The following SRBD1 variants were observed in gnomAD, a reference collection of about 807,000 sequenced individuals.
SRBD1 encodes the protein S1 RNA-binding domain-containing protein 1.
A neutral mutation model predicts 115.3 loss-of-function variants in SRBD1; 88 were observed. The ratio of observed to expected loss-of-function variants is 0.76; its 90% CI spans 0.64 to 0.91. The LOEUF (loss-of-function observed/expected upper bound fraction) is 0.91, where lower values mean the gene tolerates loss of function less well. Among genes scored for constraint, SRBD1 ranks in the 40% least tolerant of loss-of-function variants. The pLI is 0.00. For synonymous variants in SRBD1, 509 were observed against 407.7 expected, an observed-to-expected ratio of 1.25 and a Z score of -2.99; for missense variants, 1,385 against 1,177.4, an observed-to-expected ratio of 1.18 and a Z score of -2.58.
intron 16 of SRBD1, among the ~76,000 whole-genome samples, chr2:45,470,329 G>A (rs1479145361): frequency 6.6e-6 from 1 of 152,058 alleles, no homozygotes; most frequent in African/African-American, 2.4e-5. Context: ...AATTTCCGCT[G>A]GGAAGATGAT....
At chr2:45,461,804 C>T (rs916277315) in intron 16 of SRBD1, among the ~76,000 whole-genome samples, 2 of 152,130 alleles carry the variant, frequency 1.3e-5, no homozygotes, top group African/African-American at 2.4e-5. Flanking sequence ...AGATAGTTAT[C>T]GTCATTCATT....
rs139061913 is a variant in SRBD1, at chr2:45,469,885, G to A, written c.2049+7108C>T. Reference sequence around the variant, plus strand: ...TACAGCCCATATCCTGGGCCTTAGAGTCAAGGGACAACATTGCAAAACCAT... The same window carrying A: ...TACAGCCCATATCCTGGGCCTTAGAATCAAGGGACAACATTGCAAAACCAT... On this transcript the variant is annotated intron_variant, in intron 16 of 20. Coordinates refer to ENST00000263736, the MANE Select transcript of SRBD1 (RefSeq NM_018079.5). Among the ~76,000 whole-genome samples, 84 of 152,328 alleles carry A rather than the reference G, an allele frequency of 5.5e-4. No individual in the cohort carries two copies. In the East Asian group the frequency reaches 0.013, roughly 23 times the overall value.
chr2:45,560,945 T>TA (rs35692321), intron 10 of SRBD1, among the ~76,000 whole-genome samples: 6,599 of 118,910 alleles, frequency 0.055, 246 homozygotes, highest in East Asian at 0.17. Flanking sequence ...ATCTCTTAAA[T>TA]AAAAAAAAAA....
rs146182075 is a variant in SRBD1 at position 45,610,302 on chromosome 2, G to A, written c.-1+917C>T. 3.9e-5 allele frequency among the ~76,000 whole-genome samples: 6 copies of A among 152,224 alleles called. No individual in the cohort carries two copies. The East Asian group carries it at 1.2e-3, about 29-fold the overall frequency. Reference sequence around the variant, plus strand: ...GGAAAAAAAAATTTAAATTCAAGAAGGCAAACAAAGGAGGACAATTTCTTA... The same window carrying A: ...GGAAAAAAAAATTTAAATTCAAGAAAGCAAACAAAGGAGGACAATTTCTTA... On this transcript the variant is annotated intron_variant, in intron 1 of 20. Coordinates refer to ENST00000263736, the MANE Select transcript of SRBD1 (RefSeq NM_018079.5).
At chr2:45,514,734 C>G (rs1466543722) in intron 14 of SRBD1, among the ~76,000 whole-genome samples, 1 of 152,080 alleles carries the variant, frequency 6.6e-6, no homozygotes, top group Non-Finnish European at 1.5e-5. Context: ...TAGGCTCAGT[C>G]AGGATTTCCA....
At position 45,478,435 on chromosome 2, in the gene SRBD1, T is replaced by C. The variant is rs77178530; in HGVS notation, c.1967-1360A>G. On this transcript the variant is annotated intron_variant, in intron 15 of 20. Coordinates refer to ENST00000263736, the MANE Select transcript of SRBD1 (RefSeq NM_018079.5). ...ACATCCTTTATTACTACATCTAATA[T>C]ATAGTGACAATAGCTCCTTGCAAAG... Among the ~76,000 whole-genome samples, 1,163 of 152,322 alleles carry C rather than the reference T, an allele frequency of 7.6e-3. 16 individuals carry two copies. Among genetic ancestry groups the C allele is most frequent in the African/African-American group, 0.027 (1,105 of 41,564 alleles).
At chr2:45,457,651 T>TA (rs1199585857) in intron 16 of SRBD1, among the ~76,000 whole-genome samples, 1 of 151,962 alleles carries the variant, frequency 6.6e-6, no homozygotes, top group Non-Finnish European at 1.5e-5. Flanking sequence ...CGGCGTATGT[T>TA]AAAAAAATAC....
chr2:45,486,619 G>A (rs1670128251), intron 15 of SRBD1, among the ~76,000 whole-genome samples: 1 of 151,992 alleles, frequency 6.6e-6, no homozygotes, highest in Non-Finnish European at 1.5e-5. Flanking sequence ...TGTAGTCCCA[G>A]CTACTTGGGA....
intron 10 of SRBD1, among the ~76,000 whole-genome samples, chr2:45,556,530 T>G (rs1672483838): frequency 7.5e-6 from 1 of 132,714 alleles, no homozygotes; most frequent in Non-Finnish European, 1.6e-5. Context: ...AGGCACAATC[T>G]TGGCTCATTG....
intron 13 of SRBD1, 40 bp downstream of exon 13, chr2:45,547,482 T>C: frequency 6.4e-7 from 1 of 1,566,756 alleles, no homozygotes; most frequent in Non-Finnish European, 8.8e-7. Context: ...TCTGGTTGAC[T>C]GAGCCACTGA....
intron 14 of SRBD1, among the ~76,000 whole-genome samples, chr2:45,513,696 G>A (rs571475923): frequency 3.3e-5 from 5 of 152,068 alleles, no homozygotes; most frequent in African/African-American, 9.6e-5. Context: ...CTCAAATACC[G>A]TATCATGTAT....
chr2:45,411,940 A>G (rs575215471), intron 19 of SRBD1, among the ~76,000 whole-genome samples: 1 of 152,100 alleles, frequency 6.6e-6, no homozygotes, highest in East Asian at 1.9e-4. Flanking sequence ...GCGAAACTCT[A>G]TCTCTACTAA....
At chr2:45,601,363 T>G (rs948224893) in intron 3 of SRBD1, among the ~76,000 whole-genome samples, 3 of 152,242 alleles carry the variant, frequency 2.0e-5, no homozygotes, top group African/African-American at 7.2e-5. Context: ...TATTTTAAAC[T>G]ATTAAATATT....
intron 16 of SRBD1, among the ~76,000 whole-genome samples, chr2:45,440,091 T>C (rs1001498939): frequency 6.6e-6 from 1 of 152,174 alleles, no homozygotes; most frequent in Non-Finnish European, 1.5e-5. Context: ...AGGTAGTCAG[T>C]TAATGACACA....
At chr2:45,506,427 G>A (rs1485357886) in intron 14 of SRBD1, among the ~76,000 whole-genome samples, 1 of 152,118 alleles carries the variant, frequency 6.6e-6, no homozygotes, top group East Asian at 1.9e-4. Flanking sequence ...CCAACAGAAA[G>A]GCCTTTGGAA....
At chr2:45,431,157 T>C (rs1668322461) in intron 16 of SRBD1, among the ~76,000 whole-genome samples, 1 of 152,132 alleles carries the variant, frequency 6.6e-6, no homozygotes, top group Non-Finnish European at 1.5e-5. Context: ...GGAGAGGATG[T>C]GGAGAAACTG....
chr2:45,579,943 G>A lies in SRBD1; in HGVS notation c.1004C>T (p.Ala335Val). 1.2e-6 allele frequency: 2 copies of A among 1,609,410 alleles called. No individual in the cohort carries two copies. The highest frequency in any genetic ancestry group is 1.7e-6 in the Non-Finnish European group (2 of 1,177,692). Reference protein sequence around the residue: ...QRARQLGLEGAARALLEKPGE... With the variant: ...QRARQLGLEGVARALLEKPGE... ...TGGTTTCTCAAGCAGTGCCCTGGCT[G>A]CTCCTTCTAAGCCCAACTGTCTTGC... is the stretch of plus-strand genomic sequence containing the variant. Residue 335 changes from alanine to valine, a missense_variant, in exon 7 of 21, where the codon GCA becomes GTA. Physicochemically the swap from Ala to Val is moderately conservative, Grantham distance 64. Transcript: ENST00000263736.
chr2:45,491,967 G>GC (rs144159711), intron 14 of SRBD1, among the ~76,000 whole-genome samples: 1 of 151,812 alleles, frequency 6.6e-6, no homozygotes, highest in African/African-American at 2.4e-5. Context: ...GATTATAGGT[G>GC]CCCACCATCA....
At chr2:45,411,002 T>G (rs996111516) in intron 19 of SRBD1, among the ~76,000 whole-genome samples, 3 of 152,338 alleles carry the variant, frequency 2.0e-5, no homozygotes, top group Middle Eastern at 3.4e-3. Flanking sequence ...GATGTTTCCC[T>G]GAGTTCTGCA....
Sources: gnomAD v4.1 joint callset for allele counts (sites outside exome capture counted in the v4.1 genomes callset) on GRCh38, gnomAD v4.1.1 for gene constraint, MANE v1.5 for transcripts, NCBI Gene and HGNC (gene_info 2026-07-23, HGNC 2026-07-21) for gene names.